RBFOX1: variants seen among roughly 807,000 people sequenced by gnomAD.
RBFOX1 encodes RNA binding fox-1 homolog 1.
Under a neutral mutation model 57.7 loss-of-function variants are expected in RBFOX1, and 8 were observed. The ratio of observed to expected loss-of-function variants is 0.14; its 90% confidence interval spans 0.08 to 0.25. RBFOX1 has a LOEUF of 0.25. RBFOX1 is among the 10% of genes least tolerant of loss of function. The pLI is 1.00. For synonymous variants in RBFOX1, 326 were observed against 222.4 expected (o/e 1.47, Z -4.15); for missense variants, 611 against 548.5 (o/e 1.11, Z -1.14).
At chr16:5,872,582 A>C (rs2057501077) in intron 4 of RBFOX1, among the ~76,000 whole-genome samples, 1 of 151,872 alleles carries the variant, frequency 6.6e-6, no homozygotes, top group Non-Finnish European at 1.5e-5. Flanking sequence ...AGAAAGAAAA[A>C]AAAAATTGGC....
intron 4 of RBFOX1, among the ~76,000 whole-genome samples, chr16:7,265,025 A>G (rs561535178): frequency 6.6e-6 from 1 of 152,354 alleles, no homozygotes; most frequent in African/African-American, 2.4e-5. Flanking sequence ...CTGGACTTCA[A>G]AGCAGGCCAG....
chr16:5,830,448 C>T (rs986465409), intron 3 of RBFOX1, among the ~76,000 whole-genome samples: 2 of 151,588 alleles, frequency 1.3e-5, no homozygotes, highest in South Asian at 2.1e-4. Flanking sequence ...ATCACAGACT[C>T]GCCACTGAGG....
intron 3 of RBFOX1, among the ~76,000 whole-genome samples, chr16:5,690,765 G>T (rs74004494): frequency 6.6e-6 from 1 of 152,144 alleles, no homozygotes; most frequent in Non-Finnish European, 1.5e-5. Flanking sequence ...CTAAGAAGCT[G>T]TGTTCTCCTG....
intron 4 of RBFOX1, among the ~76,000 whole-genome samples, chr16:7,152,831 G>C (rs1009940445): frequency 6.6e-6 from 1 of 152,186 alleles, no homozygotes; most frequent in Admixed American, 6.5e-5. Flanking sequence ...ACAATGGAAG[G>C]TGGGTGGCAC....
rs150320736 is a variant in RBFOX1 at position 5,533,932 on chromosome 16, A to T, written c.259-64970A>T. ...ACAGAAAGTGACTGGGGGTGATTTA[A>T]GGAGAGCAGGAATTGTTGAGACAGT... On this transcript the variant is annotated intron_variant, in intron 2 of 2. Transcript: ENST00000585867. 2.3e-3 allele frequency among the ~76,000 whole-genome samples: 349 copies of T among 152,276 alleles called. 2 individuals are homozygous for T. The highest frequency in any genetic ancestry group is 8.0e-3 in the African/African-American group (334 of 41,570).
At chr16:6,884,415 G>A (rs117670587) in intron 3 of RBFOX1, among the ~76,000 whole-genome samples, 1,832 of 152,268 alleles carry the variant, frequency 0.012, 22 homozygotes, top group Non-Finnish European at 0.02. Flanking sequence ...TACAAAAGGA[G>A]TGAGGACAGT....
At chr16:6,633,111 T>C (rs1251909485) in intron 2 of RBFOX1, among the ~76,000 whole-genome samples, 4 of 152,166 alleles carry the variant, frequency 2.6e-5, no homozygotes, top group South Asian at 4.1e-4. Flanking sequence ...GTTGCAGCGA[T>C]TGTGCCCACT....
intron 3 of RBFOX1, among the ~76,000 whole-genome samples, chr16:6,880,837 A>G (rs1015519508): frequency 6.6e-6 from 1 of 152,214 alleles, no homozygotes; most frequent in African/African-American, 2.4e-5. Flanking sequence ...AATGTGTTGG[A>G]ATTGCTGGAC....
intron 3 of RBFOX1, among the ~76,000 whole-genome samples, chr16:5,835,307 G>C (rs1251739314): frequency 6.6e-6 from 1 of 152,204 alleles, no homozygotes; most frequent in Non-Finnish European, 1.5e-5. Context: ...CATGGGAGGA[G>C]GAAAGGGCAG....
intron 11 of RBFOX1, among the ~76,000 whole-genome samples, chr16:7,636,973 G>C (rs1201951850): frequency 6.6e-6 from 1 of 152,158 alleles, no homozygotes; most frequent in East Asian, 1.9e-4. Flanking sequence ...TTTCCACAAA[G>C]CATCACATTG....
chr16:6,232,998 C>T (rs2097476598), intron 1 of RBFOX1, among the ~76,000 whole-genome samples: 1 of 152,108 alleles, frequency 6.6e-6, no homozygotes, highest in East Asian at 1.9e-4. Flanking sequence ...ACCCATGGAG[C>T]GCCATTCCCA....
chr16:6,690,821 C>G lies in RBFOX1; in HGVS notation c.-16+36171C>G, dbSNP rs929781241. ...AAGAAAGGTAGTGTCCCCAGGCCAT[C>G]ATTTTCCTTCCTCTAAATTCACATT... On this transcript the variant is annotated intron_variant, in intron 3 of 15. Coordinates refer to ENST00000550418, the MANE Select transcript of RBFOX1 (RefSeq NM_018723.4). Among the ~76,000 whole-genome samples, 3 of 149,024 alleles carry G rather than the reference C, an allele frequency of 2.0e-5. No individual in the cohort carries two copies. In the Admixed American group the frequency reaches 2.0e-4, roughly 10 times the overall value.
At chr16:5,301,474 C>T (rs1328102731) in intron 1 of RBFOX1, among the ~76,000 whole-genome samples, 1 of 151,862 alleles carries the variant, frequency 6.6e-6, no homozygotes, top group Non-Finnish European at 1.5e-5. Flanking sequence ...AAAAAATTAG[C>T]CAAGTGTGGT....
intron 3 of RBFOX1, among the ~76,000 whole-genome samples, chr16:7,019,195 A>G (rs1045222496): frequency 6.6e-6 from 1 of 152,088 alleles, no homozygotes; most frequent in African/African-American, 2.4e-5. Context: ...AAATTATTTT[A>G]TATAAAATTA....
At chr16:6,560,108 T>G (rs1226258805) in intron 2 of RBFOX1, among the ~76,000 whole-genome samples, 2 of 151,280 alleles carry the variant, frequency 1.3e-5, no homozygotes, top group African/African-American at 4.9e-5. Flanking sequence ...TGTATCACAT[T>G]GTGCGGTGGG....
intron 3 of RBFOX1, among the ~76,000 whole-genome samples, chr16:5,742,746 C>G (rs1204718916): frequency 1.3e-5 from 2 of 152,174 alleles, no homozygotes; most frequent in East Asian, 1.9e-4. Flanking sequence ...TTGTTTACGT[C>G]TAGATAGCGT....
chr16:7,354,131 C>A (rs1440818767), intron 4 of RBFOX1, among the ~76,000 whole-genome samples: 1 of 152,006 alleles, frequency 6.6e-6, no homozygotes, highest in Non-Finnish European at 1.5e-5. Flanking sequence ...CCACCACGCC[C>A]AGCTAATTTT....
chr16:6,578,916 G>T (rs2097489901), intron 2 of RBFOX1, among the ~76,000 whole-genome samples: 1 of 152,010 alleles, frequency 6.6e-6, no homozygotes, highest in Non-Finnish European at 1.5e-5. Context: ...GAGGGTAAAA[G>T]ACTGCAAATT....
At chr16:7,038,547 C>G (rs1044953188) in intron 3 of RBFOX1, among the ~76,000 whole-genome samples, 2 of 152,068 alleles carry the variant, frequency 1.3e-5, no homozygotes, top group African/African-American at 2.4e-5. Flanking sequence ...TATCAGATGC[C>G]AAGACATTTC....
Sources: gnomAD v4.1 joint callset for allele counts (sites outside exome capture counted in the v4.1 genomes callset) on GRCh38, gnomAD v4.1.1 for gene constraint, MANE v1.5 for transcripts, NCBI Gene and HGNC (gene_info 2026-07-23, HGNC 2026-07-21) for gene names.